ARID4B: variants seen among roughly 807,000 people sequenced by gnomAD.
ARID4B encodes AT-rich interactive domain-containing protein 4B.
A neutral mutation model predicts 147.5 loss-of-function variants in ARID4B; 26 were observed. The ratio of observed to expected loss-of-function variants is 0.18; its 90% CI spans 0.13 to 0.24. The LOEUF (loss-of-function observed/expected upper bound fraction) is 0.24, where lower values mean the gene tolerates loss of function less well. ARID4B is among the 10% of genes least tolerant of loss of function. ARID4B has a pLI of 1.00. For synonymous variants in ARID4B, 512 were observed against 507.9 expected, an observed-to-expected ratio of 1.01 and a Z score of -0.11; for missense variants, 1,179 against 1,511.5, an observed-to-expected ratio of 0.78 and a Z score of 3.65.
At chr1:235,254,912 T>A (rs539762307) in intron 5 of ARID4B, among the ~76,000 whole-genome samples, 150 of 151,954 alleles carry the variant, frequency 9.9e-4, no homozygotes, top group African/African-American at 2.2e-3. Context: ...TAGCAAAAAA[T>A]TTTTTTAAAT....
At chr1:235,289,463 C>T (rs1417485814) in intron 2 of ARID4B, among the ~76,000 whole-genome samples, 1 of 152,110 alleles carries the variant, frequency 6.6e-6, no homozygotes, top group Non-Finnish European at 1.5e-5. Flanking sequence ...AAGTGGTTCA[C>T]TCCTATAGTC....
intron 7 of ARID4B, among the ~76,000 whole-genome samples, chr1:235,244,753 G>A (rs1669196439): frequency 6.6e-6 from 1 of 152,132 alleles, no homozygotes; most frequent in African/African-American, 2.4e-5. Flanking sequence ...ATTTTAAATG[G>A]CAATCTGAGA....
At chr1:235,194,896 A>G (rs1022015592) in intron 18 of ARID4B, among the ~76,000 whole-genome samples, 52 of 152,336 alleles carry the variant, frequency 3.4e-4, no homozygotes, top group African/African-American at 1.2e-3. Context: ...GGGAATGACA[A>G]AATTCCAGGT....
intron 2 of ARID4B, among the ~76,000 whole-genome samples, chr1:235,294,975 A>G (rs964009212): frequency 6.6e-6 from 1 of 151,394 alleles, no homozygotes; most frequent in African/African-American, 2.4e-5. Context: ...TTATTATTTC[A>G]AGTATCTTAA....
intron 2 of ARID4B, among the ~76,000 whole-genome samples, chr1:235,309,168 C>A (rs1330035959): frequency 6.6e-6 from 1 of 150,456 alleles, no homozygotes; most frequent in East Asian, 2.0e-4. Flanking sequence ...CCGGCCGTGA[C>A]CCCGTCTGGG....
intron 2 of ARID4B, among the ~76,000 whole-genome samples, chr1:235,270,479 T>C (rs1404396303): frequency 7.9e-6 from 1 of 127,382 alleles, no homozygotes; most frequent in Non-Finnish European, 1.7e-5. Context: ...TACTTTAGGT[T>C]ATAAGTAAAT....
intron 2 of ARID4B, among the ~76,000 whole-genome samples, chr1:235,270,050 G>A (rs773196835): frequency 1.6e-4 from 25 of 152,070 alleles, no homozygotes; most frequent in African/African-American, 6.0e-4. Context: ...TTGGGAGGCC[G>A]AGGCGGACAG....
intron 2 of ARID4B, among the ~76,000 whole-genome samples, chr1:235,312,271 C>T (rs975006712): frequency 2.6e-5 from 4 of 151,654 alleles, no homozygotes; most frequent in Admixed American, 2.6e-4. Flanking sequence ...GGTGACAGAG[C>T]GACAGTCCGT....
intron 2 of ARID4B, among the ~76,000 whole-genome samples, chr1:235,310,128 G>A (rs1364843619): frequency 1.3e-5 from 2 of 151,294 alleles, no homozygotes; most frequent in Non-Finnish European, 1.5e-5. Context: ...ATTGTCCTAT[G>A]ACCCTGCCAA....
At chr1:235,190,787 T>G (rs1246248238) in intron 19 of ARID4B, among the ~76,000 whole-genome samples, 1 of 152,100 alleles carries the variant, frequency 6.6e-6, no homozygotes, top group Non-Finnish European at 1.5e-5. Context: ...GAACCTGAGA[T>G]GCCAAAAACA....
intron 12 of ARID4B, among the ~76,000 whole-genome samples, chr1:235,224,329 C>T (rs16832488): frequency 0.01 from 1,562 of 152,298 alleles, 23 homozygotes; most frequent in African/African-American, 0.033. Context: ...GCCTTAGCAG[C>T]TTCTGGCAGA....
intron 9 of ARID4B, among the ~76,000 whole-genome samples, chr1:235,233,323 C>G (rs1668358054): frequency 6.6e-6 from 1 of 151,958 alleles, no homozygotes; most frequent in African/African-American, 2.4e-5. Flanking sequence ...CCCAGCTACT[C>G]AAGAGAAATT....
chr1:235,208,707 T>C (rs1272316537), intron 17 of ARID4B, among the ~76,000 whole-genome samples: 1 of 151,984 alleles, frequency 6.6e-6, no homozygotes, highest in African/African-American at 2.4e-5. Context: ...GGTTTCTTCA[T>C]GTTGGTCAGG....
At chr1:235,222,615 AAAG>A (rs1275838172) in intron 13 of ARID4B, among the ~76,000 whole-genome samples, 10 of 152,156 alleles carry the variant, frequency 6.6e-5, no homozygotes, top group African/African-American at 1.4e-4. Flanking sequence ...TCAGATAAAA[AAAG>A]AAGGTTTATG....
intron 2 of ARID4B, among the ~76,000 whole-genome samples, chr1:235,303,075 C>T (rs1460593432): frequency 6.6e-6 from 1 of 152,168 alleles, no homozygotes; most frequent in East Asian, 1.9e-4. Context: ...AGGCGCCCGC[C>T]ACCACACCCG....
Position 235,260,751 on chromosome 1 carries a change from G to C in ARID4B, c.8C>G (p.Ala3Gly). The C allele has an allele frequency of 6.3e-7, 1 of 1,585,964 alleles. No homozygotes were observed. The highest frequency in any genetic ancestry group is 8.6e-7 in the Non-Finnish European group (1 of 1,161,398). The change falls in exon 3 of 24, where the codon GCC (alanine) becomes GGC (glycine). Residue 3 changes from alanine (A) to glycine (G), a missense_variant and splice_region_variant. Around this residue, in one of 10 missense-constraint regions of ARID4B, gnomAD observed 56 missense variants for 99.2 expected, o/e 0.56. Transcript: ENST00000264183. MK[A>G]LDEPPYLTVG... The stretch of plus-strand genomic sequence containing the variant: ...TGTCAAATAGGGAGGCTCATCAAGG[G>C]CCTAAAAATGCAAAGAAATATAATT...
intron 18 of ARID4B, 80 bp from the exon 19 acceptor site, chr1:235,194,291 C>A: frequency 9.9e-7 from 1 of 1,015,222 alleles, no homozygotes; most frequent in Non-Finnish European, 1.5e-6. Flanking sequence ...TTTTAACTCA[C>A]TATTACAGAA....
intron 2 of ARID4B, among the ~76,000 whole-genome samples, chr1:235,296,791 G>GAGGAAGGAAGGA (rs761841322): frequency 3.5e-3 from 201 of 57,080 alleles, no homozygotes; most frequent in African/African-American, 4.6e-3. Context: ...AAAAAAAAAG[G>GAGGAAGGAAGGA]AGGAAGGAAG....
chr1:235,172,643 C>T lies in ARID4B; in HGVS notation c.3786G>A (p.Lys1262=), dbSNP rs927204015. Residue 1262 remains lysine (K), a synonymous_variant, in exon 23 of 24, where the codon AAG becomes AAA. Coordinates refer to ENST00000264183, the MANE Select transcript of ARID4B (RefSeq NM_016374.6). ...TTTCTCTCTCTTTCTTCTTTAAACG[C>T]TTTCTCCTCCGATCAATGGAAGCTA... is the stretch of plus-strand genomic sequence containing the variant. ...SEVASIDRRR[K]RLKKKERESA... is the part of the protein sequence containing the mutation. 6.3e-7 allele frequency: 1 copy of T among 1,581,508 alleles called. No homozygotes were observed. Among genetic ancestry groups the T allele is most frequent in the Admixed American group, 1.9e-5 (1 of 51,956 alleles).
Sources: allele counts gnomAD v4.1 joint callset (sites outside exome capture counted in the v4.1 genomes callset), GRCh38; gene constraint gnomAD v4.1.1; regional missense constraint gnomAD v4.1.1; transcripts MANE v1.5; gene names NCBI Gene and HGNC (gene_info 2026-07-23, HGNC 2026-07-21).